AFF3: variants seen among roughly 807,000 people sequenced by gnomAD.
The protein encoded by AFF3 is ALF transcription elongation factor 3, also known as AF4/FMR2 family member 3.
Under a neutral mutation model 129.7 loss-of-function variants are expected in AFF3, and 32 were observed. The observed-to-expected ratio is 0.25, with a 90% confidence interval of 0.19 to 0.33. AFF3 has a LOEUF of 0.33. Among genes scored for constraint, AFF3 ranks in the 10% least tolerant of loss-of-function variants. AFF3 has a pLI of 1.00. For missense variants in AFF3, 1,373 were observed against 1,592.0 expected (o/e 0.86, Z 2.34); for synonymous variants, 644 against 635.4 (o/e 1.01, Z -0.20).
chr2:99,587,022 A>T lies in AFF3; in HGVS notation c.2591+132T>A. On this transcript the variant is annotated intron_variant, in intron 16 of 24. Coordinates refer to ENST00000672756, the MANE Select transcript of AFF3 (RefSeq NM_001386135.1). Reference sequence around the variant, plus strand: ...GCCATAATAATAAGATTTGGGTTAAAGGAGGGAAGCAAGTCTGCAGACCTT... The same window carrying T: ...GCCATAATAATAAGATTTGGGTTAATGGAGGGAAGCAAGTCTGCAGACCTT... The T allele has an allele frequency of 2.4e-6, 3 of 1,235,442 alleles. No homozygotes were observed. In the South Asian group the frequency reaches 4.3e-5, roughly 18 times the overall value. 76.5% of individuals were successfully genotyped at this position (1,235,442 alleles called of 1,614,324 possible).
At chr2:99,896,261 G>T (rs988355761) in intron 7 of AFF3, among the ~76,000 whole-genome samples, 1 of 152,028 alleles carries the variant, frequency 6.6e-6, no homozygotes, top group Non-Finnish European at 1.5e-5. Context: ...GTATGAAACT[G>T]TGTACTATGG....
At chr2:99,697,225 T>C (rs1373645537) in intron 11 of AFF3, among the ~76,000 whole-genome samples, 2 of 152,172 alleles carry the variant, frequency 1.3e-5, no homozygotes, top group Non-Finnish European at 2.9e-5. Context: ...TCCTGCAGCT[T>C]TGAGAATCCT....
intron 2 of AFF3, among the ~76,000 whole-genome samples, chr2:100,124,058 T>A (rs62150260): frequency 0.13 from 19,074 of 152,086 alleles, 1,412 homozygotes; most frequent in Non-Finnish European, 0.15. Context: ...GTTCACAGGT[T>A]TAAAACAGGG....
At chr2:99,788,153 A>G (rs1320807967) in intron 8 of AFF3, among the ~76,000 whole-genome samples, 1 of 152,232 alleles carries the variant, frequency 6.6e-6, no homozygotes, top group Non-Finnish European at 1.5e-5. Flanking sequence ...CTATTTCATA[A>G]TGATAATAAA....
chr2:100,047,571 C>T (rs1040755651), intron 4 of AFF3, among the ~76,000 whole-genome samples: 1 of 152,066 alleles, frequency 6.6e-6, no homozygotes, highest in African/African-American at 2.4e-5. Flanking sequence ...AAAAATAATC[C>T]GTAGTATATA....
At chr2:99,877,668 C>T (rs781203234) in intron 7 of AFF3, among the ~76,000 whole-genome samples, 3 of 152,132 alleles carry the variant, frequency 2.0e-5, no homozygotes, top group Non-Finnish European at 2.9e-5. Flanking sequence ...TAAATGAAAA[C>T]ATAAAACTAT....
chr2:99,760,969 C>T (rs539462715), intron 8 of AFF3, among the ~76,000 whole-genome samples: 5 of 151,740 alleles, frequency 3.3e-5, no homozygotes, highest in Non-Finnish European at 5.9e-5. Context: ...CTAAGTTGCC[C>T]GGGCTGGCCT....
chr2:99,787,766 C>T (rs1485144622), intron 8 of AFF3, among the ~76,000 whole-genome samples: 5 of 152,108 alleles, frequency 3.3e-5, no homozygotes, highest in Admixed American at 1.3e-4. Flanking sequence ...AACAACAATC[C>T]GGGAGCCTGG....
At chr2:100,081,214 A>G (rs2666317) in intron 4 of AFF3, among the ~76,000 whole-genome samples, 1 of 152,166 alleles carries the variant, frequency 6.6e-6, no homozygotes, top group Non-Finnish European at 1.5e-5. Context: ...ACTATGCAAT[A>G]TAAGCAAGTT....
In AFF3 at chr2:99,743,545, CACT is replaced by C; in HGVS notation, c.1039+556_1039+558del. On this transcript the variant is annotated intron_variant, in intron 10 of 24. Coordinates refer to ENST00000672756, the MANE Select transcript of AFF3 (RefSeq NM_001386135.1). ...GTAGTGCCAAAGAAGAGAATTAAAA[CACT>C]ACTTCATGGAATGATAGCATCCTCT... Among the ~76,000 whole-genome samples the C allele has an allele frequency of 2.0e-5, 3 of 152,282 alleles. No homozygotes were observed. The South Asian group carries it at 6.2e-4, about 32-fold the overall frequency.
At chr2:99,720,016 GAC>G (rs1678749211) in intron 11 of AFF3, among the ~76,000 whole-genome samples, 1 of 152,206 alleles carries the variant, frequency 6.6e-6, no homozygotes, top group Non-Finnish European at 1.5e-5. Context: ...CAGCCTGGGT[GAC>G]AGAGCGAGAC....
At chr2:99,668,312 C>T (rs909345466) in intron 12 of AFF3, among the ~76,000 whole-genome samples, 1 of 151,902 alleles carries the variant, frequency 6.6e-6, no homozygotes, top group African/African-American at 2.4e-5. Flanking sequence ...GCTGGGATTA[C>T]ACGTGCACAC....
chr2:99,662,137 TC>T (rs894045693), intron 12 of AFF3, among the ~76,000 whole-genome samples: 11 of 147,624 alleles, frequency 7.5e-5, no homozygotes, highest in African/African-American at 2.8e-4. Context: ...AGACTCTGTC[TC>T]AAAAAAAAAA....
At chr2:99,786,293 ATGAGGCCAATG>A (rs1297688912) in intron 8 of AFF3, among the ~76,000 whole-genome samples, 2 of 152,296 alleles carry the variant, frequency 1.3e-5, no homozygotes, top group African/African-American at 4.8e-5. Context: ...TATTTGACTC[ATGAGGCCAATG>A]TGAGGCTCCA....
At chr2:100,120,355 T>G (rs1691907907) in intron 2 of AFF3, among the ~76,000 whole-genome samples, 1 of 152,194 alleles carries the variant, frequency 6.6e-6, no homozygotes. Flanking sequence ...TTTGAGTATC[T>G]TTTATGGAGG....
At chr2:99,938,718 C>T (rs114775224) in intron 7 of AFF3, among the ~76,000 whole-genome samples, 1,578 of 152,276 alleles carry the variant, frequency 0.01, 32 homozygotes, top group African/African-American at 0.036. Flanking sequence ...GATAAGACTG[C>T]AACATCAACT....
At chr2:99,988,549 A>G (rs557644464) in intron 7 of AFF3, among the ~76,000 whole-genome samples, 3 of 152,336 alleles carry the variant, frequency 2.0e-5, no homozygotes, top group South Asian at 4.1e-4. Flanking sequence ...TACTAATTCT[A>G]TGGGTTGCTT....
At chr2:99,777,971 A>C (rs1047689916) in intron 8 of AFF3, among the ~76,000 whole-genome samples, 13 of 140,502 alleles carry the variant, frequency 9.3e-5, no homozygotes, top group Non-Finnish European at 1.6e-4. Context: ...AAAAAAAAAA[A>C]CAAAATGCAA....
chr2:99,900,733 T>C (rs956932720), intron 7 of AFF3, among the ~76,000 whole-genome samples: 1 of 152,144 alleles, frequency 6.6e-6, no homozygotes, highest in African/African-American at 2.4e-5. Flanking sequence ...GGTCACAGAA[T>C]GTTGGCAATG....
Sources: allele counts gnomAD v4.1 joint callset (sites outside exome capture counted in the v4.1 genomes callset), GRCh38; gene constraint gnomAD v4.1.1; transcripts MANE v1.5; gene names NCBI Gene and HGNC (gene_info 2026-07-23, HGNC 2026-07-21).